Variants in NRG2 observed in about 807,000 individuals in gnomAD.
The protein encoded by NRG2 is neuregulin 2.
Under a neutral mutation model 73.9 loss-of-function variants are expected in NRG2, and 27 were observed. That is an observed-to-expected ratio of 0.37 (90% CI 0.27 to 0.50). NRG2 has a LOEUF of 0.50. Ranked by LOEUF, NRG2 falls within the 20% of genes least tolerant of loss-of-function variation. The pLI is 0.96. For missense variants in NRG2, 1,126 were observed against 1,210.1 expected (o/e 0.93, Z 1.03); for synonymous variants, 532 against 541.0 (o/e 0.98, Z 0.23).
intron 1 of NRG2, among the ~76,000 whole-genome samples, chr5:139,930,051 T>C (rs890793284): frequency 3.9e-5 from 6 of 152,228 alleles, no homozygotes; most frequent in African/African-American, 1.4e-4. Context: ...AGGGGGCTTC[T>C]GTACCAAGAT....
rs370113852 is a variant in NRG2 at position 139,860,371 on chromosome 5, A to AT, written c.1190-4594dup. Among the ~76,000 whole-genome samples, 437 of 144,664 alleles carry AT rather than the reference A, an allele frequency of 3.0e-3. 1 individual carries two copies. Among genetic ancestry groups the AT allele is most frequent in the African/African-American group, 6.7e-3 (266 of 39,584 alleles). The allele number at this position is 144,664 out of a possible 152,430, so 94.9% of individuals were successfully genotyped here. ...GCCCAGCTCCCTCATTGGGGGCCCAATTTTTTTTTTTTTGTTCAGAGTGCA... is the reference window on the plus strand; with the variant it reads ...GCCCAGCTCCCTCATTGGGGGCCCAATTTTTTTTTTTTTTGTTCAGAGTGCA... On this transcript the variant is annotated intron_variant, in intron 5 of 9. Transcript: ENST00000361474.
At chr5:139,934,157 C>T (rs1561689916) in intron 1 of NRG2, among the ~76,000 whole-genome samples, 1 of 152,068 alleles carries the variant, frequency 6.6e-6, no homozygotes, top group East Asian at 1.9e-4. Flanking sequence ...TGTGATTGTG[C>T]CACTGCACTC....
Position 139,847,717 on chromosome 5 carries a change from A to G in NRG2, c.*200T>C. ...GATGTTACATATAAATAGTTTCCCTATAAAAACGCCTTTGCCGTTAGCTAG... is the reference window on the plus strand; with the variant it reads ...GATGTTACATATAAATAGTTTCCCTGTAAAAACGCCTTTGCCGTTAGCTAG... On this transcript the variant is annotated 3_prime_UTR_variant, in exon 10 of 10. Coordinates refer to ENST00000361474, the MANE Select transcript of NRG2 (RefSeq NM_004883.3). 2.6e-6 allele frequency: 1 copy of G among 391,898 alleles called. No homozygotes were observed. The highest frequency in any genetic ancestry group is 4.5e-6 in the Non-Finnish European group (1 of 224,544). The allele number at this position is 391,898 out of a possible 1,614,324, so 24.3% of individuals were successfully genotyped here. A position where few individuals can be genotyped will look rare whatever the true frequency, so the allele number is the denominator to read the frequency against.
intron 1 of NRG2, among the ~76,000 whole-genome samples, chr5:140,034,959 C>G (rs1346557162): frequency 6.6e-6 from 1 of 152,166 alleles, no homozygotes; most frequent in East Asian, 1.9e-4. Flanking sequence ...CAGTGGCTCA[C>G]ACCTGTAATC....
At chr5:140,012,422 C>A (rs1759435458) in intron 1 of NRG2, among the ~76,000 whole-genome samples, 1 of 152,218 alleles carries the variant, frequency 6.6e-6, no homozygotes, top group Non-Finnish European at 1.5e-5. Context: ...TCTTAACTTT[C>A]AGAAATTTCA....
chr5:139,924,680 A>C (rs1323318289), intron 1 of NRG2, among the ~76,000 whole-genome samples: 1 of 151,962 alleles, frequency 6.6e-6, no homozygotes, highest in Non-Finnish European at 1.5e-5. Flanking sequence ...TGTCCTCTTT[A>C]CTTGTCTTTT....
intron 1 of NRG2, among the ~76,000 whole-genome samples, chr5:140,013,392 TA>T (rs1759522725): frequency 6.6e-6 from 1 of 152,116 alleles, no homozygotes; most frequent in Non-Finnish European, 1.5e-5. Context: ...ACTTCTATAT[TA>T]AAAAATAATA....
chr5:140,000,087 A>G (rs1458340319), intron 1 of NRG2, among the ~76,000 whole-genome samples: 1 of 152,252 alleles, frequency 6.6e-6, no homozygotes, highest in Non-Finnish European at 1.5e-5. Context: ...CTTCTACACT[A>G]TGATATCCAC....
At chr5:139,892,550 C>G (rs1203501133) in intron 1 of NRG2, among the ~76,000 whole-genome samples, 1 of 152,104 alleles carries the variant, frequency 6.6e-6, no homozygotes, top group Non-Finnish European at 1.5e-5. Context: ...GCTAGATCGG[C>G]CCCTCACCTA....
chr5:139,852,655 C>T lies in NRG2; in HGVS notation c.1417-96G>A. ...GAAGTGATGAGCACTGACTGAGCTC[C>T]TGGTTGGGGAGACCCACTGTGTGAG... is the stretch of plus-strand genomic sequence containing the variant. On this transcript the variant is annotated intron_variant, in intron 7 of 9. Transcript: ENST00000361474. The surrounding 1 kb of genome is among the most constrained non-coding windows in gnomAD (Gnocchi z 4.4). 1 of 1,534,074 alleles carries T rather than the reference C, an allele frequency of 6.5e-7. No individual in the cohort carries two copies. The highest frequency in any genetic ancestry group is 1.4e-5 in the African/African-American group (1 of 72,952).
chr5:140,037,236 C>T (rs1220718444), intron 1 of NRG2, among the ~76,000 whole-genome samples: 3 of 152,164 alleles, frequency 2.0e-5, no homozygotes, highest in Non-Finnish European at 2.9e-5. Flanking sequence ...TGTGAGATCA[C>T]CAAGCGTGTG....
chr5:139,855,475 C>T (rs190599835), intron 6 of NRG2, among the ~76,000 whole-genome samples: 91 of 152,342 alleles, frequency 6.0e-4, no homozygotes, highest in African/African-American at 1.9e-3. Flanking sequence ...GGGCCTGTCT[C>T]CCTGACCCTC....
Position 139,898,031 on chromosome 5 carries a change from C to T in NRG2, c.701-10520G>A, listed in dbSNP as rs182885216. Among the ~76,000 whole-genome samples the T allele has an allele frequency of 6.6e-5, 10 of 152,338 alleles. No individual in the cohort carries two copies. In the East Asian group the frequency reaches 1.3e-3, roughly 21 times the overall value. ...TTGAGAATGTCCTTATTCATGTGTTCGTTCAAGAATGGATTGAGCACTGAG... is the reference window on the plus strand; with the variant it reads ...TTGAGAATGTCCTTATTCATGTGTTTGTTCAAGAATGGATTGAGCACTGAG... On this transcript the variant is annotated intron_variant, in intron 1 of 9. Coordinates refer to ENST00000361474, the MANE Select transcript of NRG2 (RefSeq NM_004883.3).
At chr5:139,861,702 C>T (rs1762156028) in intron 5 of NRG2, 1 of 514,384 alleles carries the variant, frequency 1.9e-6, no homozygotes, top group Non-Finnish European at 3.9e-6. Context: ...CACTCCTCTC[C>T]AGGGTGTCCC....
rs920616793 is a variant in NRG2 at position 139,904,974 on chromosome 5, G to C, written c.701-17463C>G. ...TGCAGGTCTGGCCTCAGCCCCGTGG[G>C]ATACCGCCATCTGGGGAACACCTTT... is the stretch of plus-strand genomic sequence containing the variant. On this transcript the variant is annotated intron_variant, in intron 1 of 9. Transcript: ENST00000361474. This position sits in a 1 kb window ranked among gnomAD's most constrained non-coding sequence, Gnocchi z 6.0. Among the ~76,000 whole-genome samples, 1 of 152,194 alleles carries C rather than the reference G, an allele frequency of 6.6e-6. No individual in the cohort carries two copies. Among genetic ancestry groups the C allele is most frequent in the Non-Finnish European group, 1.5e-5 (1 of 68,018 alleles).
Position 139,847,896 on chromosome 5 carries a change from G to C in NRG2, c.*21C>G. On this transcript the variant is annotated 3_prime_UTR_variant, in exon 10 of 10. Transcript: ENST00000361474. ...TTAAAGATAGTGGGGCGGGCGGGGC[G>C]GAGGGGCGCGCGGCGGGGCCCTAGA... The C allele has an allele frequency of 7.1e-7, 1 of 1,405,524 alleles. No homozygotes were observed. The highest frequency in any genetic ancestry group is 9.2e-7 in the Non-Finnish European group (1 of 1,085,344). 87.1% of individuals were successfully genotyped at this position (1,405,524 alleles called of 1,614,324 possible).
intron 1 of NRG2, among the ~76,000 whole-genome samples, chr5:139,940,607 A>T (rs577717547): frequency 6.6e-6 from 1 of 152,354 alleles, no homozygotes; most frequent in South Asian, 2.1e-4. Flanking sequence ...CAAAGTTCAT[A>T]GTTAAGTGGA....
chr5:139,953,288 G>C (rs1158930689), intron 1 of NRG2, among the ~76,000 whole-genome samples: 1 of 152,176 alleles, frequency 6.6e-6, no homozygotes, highest in Admixed American at 6.5e-5. Context: ...GGGGCTGAAG[G>C]GTTAACGGAC....
chr5:139,924,213 T>C (rs1056906926), intron 1 of NRG2, among the ~76,000 whole-genome samples: 1 of 152,226 alleles, frequency 6.6e-6, no homozygotes, highest in African/African-American at 2.4e-5. Context: ...CCTGGCTGTC[T>C]GGGCTCAAGA....
Sources: gnomAD v4.1 joint callset for allele counts (sites outside exome capture counted in the v4.1 genomes callset) on GRCh38, gnomAD v4.1.1 for gene constraint, Gnocchi (gnomAD v3.1) non-coding constraint, MANE v1.5 for transcripts, NCBI Gene and HGNC (gene_info 2026-07-23, HGNC 2026-07-21) for gene names.